RBFOX1: variants seen among roughly 807,000 people sequenced by gnomAD.
RBFOX1 encodes RNA binding protein fox-1 homolog 1.
A neutral mutation model predicts 57.7 loss-of-function variants in RBFOX1; 8 were observed. That is an observed-to-expected ratio of 0.14 (90% CI 0.08 to 0.25). The LOEUF (loss-of-function observed/expected upper bound fraction) is 0.25, where lower values mean the gene tolerates loss of function less well. Among genes scored for constraint, RBFOX1 ranks in the 10% least tolerant of loss-of-function variants. The pLI is 1.00. For synonymous variants in RBFOX1, 326 were observed against 222.4 expected, an observed-to-expected ratio of 1.47 and a Z score of -4.15; for missense variants, 611 against 548.5, an observed-to-expected ratio of 1.11 and a Z score of -1.14.
chr16:6,278,377 CAAAAAAAAAAA>C (rs57523660), intron 1 of RBFOX1, among the ~76,000 whole-genome samples: 18 of 28,060 alleles, frequency 6.4e-4, no homozygotes, highest in African/African-American at 8.8e-4. Flanking sequence ...TAGGACTCAC[CAAAAAAAAAAA>C]AAAAAAAAAA....
intron 1 of RBFOX1, among the ~76,000 whole-genome samples, chr16:5,284,182 A>C (rs2063337180): frequency 6.6e-6 from 1 of 152,138 alleles, no homozygotes; most frequent in Non-Finnish European, 1.5e-5. Flanking sequence ...CATGATTTTG[A>C]GGCTTCCCCA....
At chr16:7,553,243 C>G (rs2087158515) in intron 5 of RBFOX1, among the ~76,000 whole-genome samples, 1 of 152,162 alleles carries the variant, frequency 6.6e-6, no homozygotes, top group Non-Finnish European at 1.5e-5. Flanking sequence ...CTCCTGGGCT[C>G]AAATTATCTT....
At chr16:6,838,261 G>A (rs942290977) in intron 3 of RBFOX1, among the ~76,000 whole-genome samples, 38 of 151,954 alleles carry the variant, frequency 2.5e-4, no homozygotes, top group Non-Finnish European at 5.9e-5. Flanking sequence ...TGCCACTTAA[G>A]AGTGAGAAGA....
chr16:5,852,570 C>T (rs1040051576), intron 3 of RBFOX1, among the ~76,000 whole-genome samples: 1 of 152,060 alleles, frequency 6.6e-6, no homozygotes, highest in Non-Finnish European at 1.5e-5. Flanking sequence ...GGGCAAGGCA[C>T]GATTCTGCAG....
chr16:7,184,646 G>C (rs191072840), intron 4 of RBFOX1, among the ~76,000 whole-genome samples: 1 of 150,926 alleles, frequency 6.6e-6, no homozygotes, highest in East Asian at 2.0e-4. Context: ...TACCATGCTT[G>C]ATCACATGGG....
chr16:6,213,157 A>G (rs2097309574), intron 1 of RBFOX1, among the ~76,000 whole-genome samples: 1 of 152,100 alleles, frequency 6.6e-6, no homozygotes, highest in African/African-American at 2.4e-5. Context: ...ATTGCTATAT[A>G]TTTGCATTTA....
chr16:5,517,443 C>T (rs138264425), intron 2 of RBFOX1, among the ~76,000 whole-genome samples: 124 of 152,308 alleles, frequency 8.1e-4, no homozygotes, highest in Middle Eastern at 3.4e-3. Flanking sequence ...TGGGACTTTT[C>T]GGCTTGGCTT....
rs537862030 is a variant in RBFOX1 at position 6,271,118 on chromosome 16, C to T, written c.-126-45877C>T. On this transcript the variant is annotated intron_variant, in intron 1 of 15. Transcript: ENST00000550418. ...AGCTTCAAATCACTAATCTAAACTC[C>T]CACCTTAAGAACATAGAAAAAGAGG... 2.0e-5 allele frequency among the ~76,000 whole-genome samples: 3 copies of T among 152,142 alleles called. No individual in the cohort carries two copies. In the East Asian group the frequency reaches 5.8e-4, roughly 29 times the overall value.
At chr16:5,613,800 TG>T (rs1276654690) in intron 3 of RBFOX1, among the ~76,000 whole-genome samples, 25 of 151,232 alleles carry the variant, frequency 1.7e-4, no homozygotes, top group African/African-American at 5.9e-4. Flanking sequence ...TCAAGGTAGA[TG>T]GGGTTTTTTT....
intron 3 of RBFOX1, among the ~76,000 whole-genome samples, chr16:6,766,278 C>T (rs2077317124): frequency 6.6e-6 from 1 of 152,056 alleles, no homozygotes; most frequent in South Asian, 2.1e-4. Flanking sequence ...TTATCTCTTT[C>T]CAACAGAAAA....
intron 1 of RBFOX1, chr16:5,240,127 G>T: frequency 6.2e-6 from 9 of 1,451,478 alleles, no homozygotes; most frequent in Non-Finnish European, 8.4e-6. Context: ...GGGCGCGGGG[G>T]TCCGGGGGTG....
intron 5 of RBFOX1, among the ~76,000 whole-genome samples, chr16:7,558,544 A>G (rs2089442729): frequency 6.6e-6 from 1 of 152,134 alleles, no homozygotes; most frequent in East Asian, 1.9e-4. Flanking sequence ...GTATATACAT[A>G]TACTTTCTTA....
chr16:7,709,196 C>A, intron 15 of RBFOX1, 65 bp downstream of exon 15: 1 of 1,452,278 alleles, frequency 6.9e-7, no homozygotes, highest in South Asian at 1.2e-5. Context: ...CAGCTGGGAC[C>A]TCAGTACGGG....
intron 4 of RBFOX1, among the ~76,000 whole-genome samples, chr16:7,204,639 G>C (rs550037537): frequency 6.6e-6 from 1 of 152,252 alleles, no homozygotes; most frequent in African/African-American, 2.4e-5. Context: ...GAACAAGACT[G>C]TGTCTTAAGA....
At chr16:7,436,452 A>C (rs1446398335) in intron 4 of RBFOX1, among the ~76,000 whole-genome samples, 1 of 152,202 alleles carries the variant, frequency 6.6e-6, no homozygotes, top group Non-Finnish European at 1.5e-5. Context: ...TGTCCATCAG[A>C]TCACTGTCAA....
At chr16:6,803,292 C>G (rs566045621) in intron 3 of RBFOX1, among the ~76,000 whole-genome samples, 1 of 152,154 alleles carries the variant, frequency 6.6e-6, no homozygotes, top group Non-Finnish European at 1.5e-5. Context: ...GGCCCACATC[C>G]CAGAACTGGC....
intron 3 of RBFOX1, among the ~76,000 whole-genome samples, chr16:6,655,784 G>C (rs909035260): frequency 6.6e-6 from 1 of 152,134 alleles, no homozygotes; most frequent in Non-Finnish European, 1.5e-5. Flanking sequence ...CTCCTTTCAA[G>C]TGTACCATTA....
chr16:6,131,426 A>G (rs1055816489), intron 1 of RBFOX1, among the ~76,000 whole-genome samples: 5 of 152,208 alleles, frequency 3.3e-5, no homozygotes, highest in African/African-American at 1.2e-4. Context: ...TAAAATATTT[A>G]TGATCTAGCC....
intron 1 of RBFOX1, among the ~76,000 whole-genome samples, chr16:6,060,191 A>T (rs1285434205): frequency 7.6e-6 from 1 of 131,882 alleles, no homozygotes; most frequent in Non-Finnish European, 1.6e-5. Flanking sequence ...CATCTTGCTT[A>T]CTAATTGGAA....
Sources: gnomAD v4.1 joint callset for allele counts (sites outside exome capture counted in the v4.1 genomes callset) on GRCh38, gnomAD v4.1.1 for gene constraint, MANE v1.5 for transcripts, NCBI Gene and HGNC (gene_info 2026-07-23, HGNC 2026-07-21) for gene names.